Variants in GRM7 observed in about 807,000 individuals in gnomAD.
The protein encoded by GRM7 is glutamate metabotropic receptor 7, also known as metabotropic glutamate receptor 7.
GRM7 carries 35 observed loss-of-function variants against 84.5 expected under a neutral mutation model. That is an observed-to-expected ratio of 0.41 (90% CI 0.32 to 0.55). The LOEUF is 0.55. GRM7 is among the 20% of genes least tolerant of loss of function. GRM7 has a pLI of 0.19. For missense variants in GRM7, 1,003 were observed against 1,194.6 expected (o/e 0.84, Z 2.36); for synonymous variants, 487 against 455.1 (o/e 1.07, Z -0.89).
At chr3:6,982,975 C>T (rs1694264529) in intron 1 of GRM7, among the ~76,000 whole-genome samples, 1 of 152,160 alleles carries the variant, frequency 6.6e-6, no homozygotes, top group African/African-American at 2.4e-5. Flanking sequence ...CATAGATTTT[C>T]ATTTTTTAGA....
At chr3:7,343,586 A>C (rs1007908847) in intron 4 of GRM7, among the ~76,000 whole-genome samples, 16 of 152,168 alleles carry the variant, frequency 1.1e-4, no homozygotes, top group South Asian at 2.1e-4. Flanking sequence ...ACAGAGGTCT[A>C]CTGTTGCACA....
chr3:7,697,236 C>A (rs80091610), intron 9 of GRM7, among the ~76,000 whole-genome samples: 161 of 152,164 alleles, frequency 1.1e-3, no homozygotes, highest in African/African-American at 3.7e-3. Flanking sequence ...AAAATTACAT[C>A]ATCATCAATT....
intron 1 of GRM7, among the ~76,000 whole-genome samples, chr3:6,876,136 C>T (rs1157499140): frequency 1.3e-5 from 2 of 151,940 alleles, no homozygotes; most frequent in South Asian, 2.1e-4. Flanking sequence ...GGCATGGCGG[C>T]GGGTACCTGC....
chr3:7,365,196 T>C (rs1306016187), intron 4 of GRM7, among the ~76,000 whole-genome samples: 1 of 151,810 alleles, frequency 6.6e-6, no homozygotes, highest in African/African-American at 2.4e-5. Flanking sequence ...TCTTTCTGAT[T>C]GTTTAAGGCA....
At chr3:7,491,261 A>G (rs1178241942) in intron 7 of GRM7, among the ~76,000 whole-genome samples, 1 of 152,112 alleles carries the variant, frequency 6.6e-6, no homozygotes, top group Non-Finnish European at 1.5e-5. Flanking sequence ...TAGATAAATC[A>G]GGAGTGGAAA....
At chr3:7,189,184 A>G (rs1477518566) in intron 2 of GRM7, among the ~76,000 whole-genome samples, 1 of 152,204 alleles carries the variant, frequency 6.6e-6, no homozygotes, top group African/African-American at 2.4e-5. Flanking sequence ...ACATGTATGC[A>G]TGTATCTCAA....
rs928088555 is a variant in GRM7 at position 7,596,457 on chromosome 3, C to G, written c.2451+17100C>G. The stretch of plus-strand genomic sequence containing the variant: ...AGATCATGTAGGCATAATTGTAGAT[C>G]GAAAAGTAAGAATGATGCCCAAGAT... On this transcript the variant is annotated intron_variant, in intron 8 of 9. Coordinates refer to ENST00000357716, the MANE Select transcript of GRM7 (RefSeq NM_000844.4). Among the ~76,000 whole-genome samples the G allele has an allele frequency of 2.0e-5, 3 of 151,836 alleles. No individual in the cohort carries two copies. The South Asian group carries it at 6.2e-4, about 32-fold the overall frequency.
Position 6,910,971 on chromosome 3 carries a change from G to T in GRM7, c.519+49064G>T, listed in dbSNP as rs548889371. ...CAGTACAAATATTTGTATCTACCAA[G>T]CACTGTAATAGCAACTGCAACCTAC... On this transcript the variant is annotated intron_variant, in intron 1 of 9. Transcript: ENST00000357716. 2.0e-5 allele frequency among the ~76,000 whole-genome samples: 3 copies of T among 152,104 alleles called. No homozygotes were observed. In the South Asian group the frequency reaches 6.2e-4, roughly 32 times the overall value.
chr3:7,734,815 G>T (rs1032948726), intron 9 of GRM7, among the ~76,000 whole-genome samples: 1 of 152,148 alleles, frequency 6.6e-6, no homozygotes, highest in African/African-American at 2.4e-5. Flanking sequence ...TCAAGTTGAG[G>T]AATGTGCTAA....
At chr3:7,292,965 C>G (rs1281156474) in intron 2 of GRM7, among the ~76,000 whole-genome samples, 1 of 144,826 alleles carries the variant, frequency 6.9e-6, no homozygotes, top group African/African-American at 2.6e-5. Context: ...ACCCAGGAGG[C>G]GGAGGTTGCA....
intron 2 of GRM7, among the ~76,000 whole-genome samples, chr3:7,193,711 A>G (rs899976487): frequency 2.0e-4 from 31 of 152,018 alleles, no homozygotes; most frequent in African/African-American, 6.3e-4. Context: ...TTTCACTCAC[A>G]TACACATAGG....
At chr3:7,662,552 C>T (rs1699513490) in intron 8 of GRM7, among the ~76,000 whole-genome samples, 1 of 152,142 alleles carries the variant, frequency 6.6e-6, no homozygotes, top group Non-Finnish European at 1.5e-5. Flanking sequence ...GACTTTGTAT[C>T]ATATGTTAGA....
chr3:7,318,056 G>A (rs1466145014), intron 4 of GRM7, among the ~76,000 whole-genome samples: 5 of 151,884 alleles, frequency 3.3e-5, no homozygotes, highest in East Asian at 1.9e-4. Flanking sequence ...TCTACAAACC[G>A]AGTAAGAAAA....
intron 9 of GRM7, among the ~76,000 whole-genome samples, chr3:7,736,029 C>T (rs1166369489): frequency 1.3e-5 from 2 of 152,124 alleles, no homozygotes; most frequent in African/African-American, 4.8e-5. Flanking sequence ...CTCACTTTTT[C>T]ACACCCACCA....
chr3:7,554,001 T>C (rs1480981400), intron 7 of GRM7, among the ~76,000 whole-genome samples: 2 of 152,140 alleles, frequency 1.3e-5, no homozygotes, highest in African/African-American at 2.4e-5. Flanking sequence ...GGTAGCTCCA[T>C]AGGGCAGGGG....
At chr3:7,147,322 C>G (rs1201110130) in intron 2 of GRM7, among the ~76,000 whole-genome samples, 1 of 152,108 alleles carries the variant, frequency 6.6e-6, no homozygotes, top group African/African-American at 2.4e-5. Context: ...AAAAATGAGA[C>G]AAAATTCTTA....
rs147973014 is a variant in GRM7 at position 7,521,299 on chromosome 3, A to G, written c.1516-57123A>G. ...AAAACCGCAGTTCTTGGTCATTGCT[A>G]TGGTCTAAATGTTTGTATCCCCTTA... is the stretch of plus-strand genomic sequence containing the variant. On this transcript the variant is annotated intron_variant, in intron 7 of 9. Transcript: ENST00000357716. Among the ~76,000 whole-genome samples the G allele has an allele frequency of 3.5e-3, 527 of 152,268 alleles. 2 individuals are homozygous for G. Among genetic ancestry groups the G allele is most frequent in the African/African-American group, 0.011 (463 of 41,550 alleles).
intron 1 of GRM7, among the ~76,000 whole-genome samples, chr3:6,974,645 G>A (rs569855937): frequency 3.3e-5 from 5 of 152,240 alleles, no homozygotes; most frequent in East Asian, 1.9e-4. Context: ...GGAAGAGGTC[G>A]TGATCAACTG....
At chr3:6,927,583 GA>G (rs924191806) in intron 1 of GRM7, among the ~76,000 whole-genome samples, 6 of 151,994 alleles carry the variant, frequency 3.9e-5, no homozygotes, top group Admixed American at 1.3e-4. Flanking sequence ...GAAAAATTTA[GA>G]AAAAAATATA....
Sources: gnomAD v4.1 joint callset for allele counts (sites outside exome capture counted in the v4.1 genomes callset) on GRCh38, gnomAD v4.1.1 for gene constraint, MANE v1.5 for transcripts, NCBI Gene and HGNC (gene_info 2026-07-23, HGNC 2026-07-21) for gene names.